CERS6: variants seen among roughly 807,000 people sequenced by gnomAD.
The protein encoded by CERS6 is ceramide synthase 6, also known as LAG1 homolog, ceramide synthase 6.
CERS6 carries 26 observed loss-of-function variants against 56.8 expected under a neutral mutation model. That is an observed-to-expected ratio of 0.46 (90% CI 0.34 to 0.63). CERS6 has a LOEUF of 0.63. Among genes scored for constraint, CERS6 ranks in the 30% least tolerant of loss-of-function variants. The pLI is 0.01. For synonymous variants in CERS6, 164 were observed against 173.3 expected (o/e 0.95, Z 0.42); for missense variants, 415 against 467.5 (o/e 0.89, Z 1.04).
intron 3 of CERS6, among the ~76,000 whole-genome samples, chr2:168,601,067 A>G (rs1471448985): frequency 1.3e-5 from 2 of 151,850 alleles, no homozygotes; most frequent in Non-Finnish European, 2.9e-5. Flanking sequence ...GTTTCCTCAC[A>G]CTCCCCACCA....
intron 1 of CERS6, among the ~76,000 whole-genome samples, chr2:168,546,195 G>A (rs2105371694): frequency 6.6e-6 from 1 of 152,304 alleles, no homozygotes; most frequent in South Asian, 2.1e-4. Context: ...AAGGGCCAGA[G>A]TCGTTAGGAA....
At chr2:168,552,349 T>TAC (rs56340726) in intron 2 of CERS6, among the ~76,000 whole-genome samples, 16,554 of 139,606 alleles carry the variant, frequency 0.12, 996 homozygotes, top group Admixed American at 0.17. Flanking sequence ...ATACAGAGTA[T>TAC]ACACACACAC....
In CERS6 at chr2:168,717,895, C is replaced by G. The variant is rs200766669; in HGVS notation, c.762C>G (p.Ala254=). The G allele has an allele frequency of 9.9e-6, 16 of 1,613,226 alleles. No homozygotes were observed. The highest frequency in any genetic ancestry group is 1.4e-5 in the Non-Finnish European group (16 of 1,179,632). Residue 254 remains alanine, a synonymous_variant, in exon 8 of 10, where the codon GCC becomes GCG. Coordinates refer to ENST00000305747, the MANE Select transcript of CERS6 (RefSeq NM_203463.3). ...LLEAAKMANY[A]KFQKMCDLLF... ...AGGCTGCCAAAATGGCAAATTATGCCAAGTTTCAGAAAATGTGTGATCTCC... is the reference window on the plus strand; with the variant it reads ...AGGCTGCCAAAATGGCAAATTATGCGAAGTTTCAGAAAATGTGTGATCTCC...
At chr2:168,481,179 G>T (rs979035258) in intron 1 of CERS6, among the ~76,000 whole-genome samples, 4 of 152,188 alleles carry the variant, frequency 2.6e-5, no homozygotes, top group Non-Finnish European at 5.9e-5. Context: ...ACTTTGGGAG[G>T]CTGAGGTGGG....
rs117602418 is a variant in CERS6 at position 168,644,357 on chromosome 2, A to C, written c.465+13315A>C. The C allele has an allele frequency of 5.1e-6, 5 of 985,094 alleles. No homozygotes were observed. In the East Asian group the frequency reaches 5.7e-4, roughly 112 times the overall value. 61.0% of individuals were successfully genotyped at this position (985,094 alleles called of 1,614,324 possible). A position where few individuals can be genotyped will look rare whatever the true frequency, so the allele number is the denominator to read the frequency against. ...AATGTGGGAAGAGTTGTGTTTGGGG[A>C]TGGGGAAGAGAGGAGGCAGCAGATA... On this transcript the variant is annotated intron_variant, in intron 4 of 9. Coordinates refer to ENST00000305747, the MANE Select transcript of CERS6 (RefSeq NM_203463.3).
chr2:168,558,755 G>A (rs1285456311), intron 2 of CERS6, among the ~76,000 whole-genome samples: 1 of 152,200 alleles, frequency 6.6e-6, no homozygotes, highest in African/African-American at 2.4e-5. Flanking sequence ...TGTAGTCCCA[G>A]CTACTCTGGA....
chr2:168,530,402 C>A (rs1245858574), intron 1 of CERS6, among the ~76,000 whole-genome samples: 2 of 152,174 alleles, frequency 1.3e-5, no homozygotes, highest in Non-Finnish European at 2.9e-5. Flanking sequence ...TTACAAGTAC[C>A]ACAATACTGT....
chr2:168,687,220 C>G (rs1038819505), intron 4 of CERS6, among the ~76,000 whole-genome samples: 1 of 152,218 alleles, frequency 6.6e-6, no homozygotes, highest in East Asian at 1.9e-4. Flanking sequence ...GCTTTACTAG[C>G]AGTGGTTCTT....
At chr2:168,698,255 GAA>G (rs869056813) in intron 6 of CERS6, among the ~76,000 whole-genome samples, 3 of 17,952 alleles carry the variant, frequency 1.7e-4, no homozygotes, top group African/African-American at 2.5e-4. Context: ...AAAAAAAAAA[GAA>G]AAAAAAAAAA....
intron 8 of CERS6, among the ~76,000 whole-genome samples, chr2:168,755,184 C>A (rs1263836605): frequency 6.6e-6 from 1 of 152,200 alleles, no homozygotes; most frequent in African/African-American, 2.4e-5. Context: ...TAATTAAATA[C>A]TGTTTTAGGA....
At chr2:168,527,259 A>G (rs1695087068) in intron 1 of CERS6, among the ~76,000 whole-genome samples, 1 of 152,220 alleles carries the variant, frequency 6.6e-6, no homozygotes. Context: ...AGATTGAATT[A>G]GAAAGTACAG....
At chr2:168,559,684 G>T (rs951128802) in intron 2 of CERS6, among the ~76,000 whole-genome samples, 1 of 132,908 alleles carries the variant, frequency 7.5e-6, no homozygotes, top group African/African-American at 2.7e-5. Context: ...GCAGCATTCA[G>T]TCCATAGCAC....
At chr2:168,720,655 ATTG>A (rs1394780149) in intron 8 of CERS6, among the ~76,000 whole-genome samples, 1 of 152,208 alleles carries the variant, frequency 6.6e-6, no homozygotes, top group African/African-American at 2.4e-5. Flanking sequence ...CACTCACAGC[ATTG>A]TTGTAAACAC....
chr2:168,662,484 T>G (rs1685656043), intron 4 of CERS6, among the ~76,000 whole-genome samples: 1 of 152,060 alleles, frequency 6.6e-6, no homozygotes, highest in Non-Finnish European at 1.5e-5. Flanking sequence ...ATCCCAGCAC[T>G]TTGGGAGGCT....
chr2:168,705,217 G>A (rs1449087119), intron 6 of CERS6, among the ~76,000 whole-genome samples: 1 of 152,126 alleles, frequency 6.6e-6, no homozygotes, highest in African/African-American at 2.4e-5. Flanking sequence ...TTATAGGGTT[G>A]TTGTTAAGAA....
At chr2:168,577,064 A>T in intron 3 of CERS6, among the ~76,000 whole-genome samples, 1 of 152,204 alleles carries the variant, frequency 6.6e-6, no homozygotes, top group East Asian at 1.9e-4. Flanking sequence ...GTGAATGCAC[A>T]GTTCAGGGAG....
chr2:168,725,037 T>C (rs1414767443), intron 8 of CERS6, among the ~76,000 whole-genome samples: 1 of 152,324 alleles, frequency 6.6e-6, no homozygotes, highest in East Asian at 1.9e-4. Context: ...TCCCAAGCCC[T>C]GCCCCATGGG....
At chr2:168,627,135 C>A (rs992160350) in intron 3 of CERS6, among the ~76,000 whole-genome samples, 4 of 151,928 alleles carry the variant, frequency 2.6e-5, no homozygotes, top group Admixed American at 6.6e-5. Flanking sequence ...TGAAATTTTC[C>A]CGTAAGAATG....
Position 168,474,918 on chromosome 2 carries a change from A to C in CERS6, c.170+18300A>C, listed in dbSNP as rs1351507059. Among the ~76,000 whole-genome samples, 5 of 152,210 alleles carry C rather than the reference A, an allele frequency of 3.3e-5. No homozygotes were observed. The East Asian group carries it at 7.7e-4, about 23-fold the overall frequency. On this transcript the variant is annotated intron_variant, in intron 1 of 9. Coordinates refer to ENST00000305747, the MANE Select transcript of CERS6 (RefSeq NM_203463.3). ...CTTGTATGGGGCTTCCTAATAATTT[A>C]TTATCAGAAGAATTACCTTATGATT...
Sources: allele counts gnomAD v4.1 joint callset (sites outside exome capture counted in the v4.1 genomes callset), GRCh38; gene constraint gnomAD v4.1.1; transcripts MANE v1.5; gene names NCBI Gene and HGNC (gene_info 2026-07-23, HGNC 2026-07-21).